GLIS1: variants seen among roughly 807,000 people sequenced by gnomAD.
The protein encoded by GLIS1 is GLIS family zinc finger 1, also known as zinc finger protein GLIS1.
A neutral mutation model predicts 63.8 loss-of-function variants in GLIS1; 24 were observed. The observed-to-expected ratio is 0.38, with a 90% CI of 0.27 to 0.53. GLIS1 has a LOEUF of 0.53. Among genes scored for constraint, GLIS1 ranks in the 20% least tolerant of loss-of-function variants. GLIS1 has a pLI of 0.85. For missense variants in GLIS1, 1,036 were observed against 1,074.1 expected, an observed-to-expected ratio of 0.96 and a Z score of 0.50; for synonymous variants, 450 against 482.5, an observed-to-expected ratio of 0.93 and a Z score of 0.88.
chr1:53,670,625 G>T (rs111869903), intron 2 of GLIS1, among the ~76,000 whole-genome samples: 5 of 152,340 alleles, frequency 3.3e-5, no homozygotes, highest in African/African-American at 1.2e-4. Context: ...CCTGTGATAG[G>T]ATTCAAATTG....
chr1:53,705,228 G>C (rs1451658887), intron 2 of GLIS1, among the ~76,000 whole-genome samples: 1 of 152,140 alleles, frequency 6.6e-6, no homozygotes, highest in Non-Finnish European at 1.5e-5. Context: ...CTGAGCCCTG[G>C]GAGGAGAGAG....
chr1:53,598,195 A>G lies in GLIS1; in HGVS notation c.437+1906T>C, dbSNP rs1475092547. On this transcript the variant is annotated intron_variant, in intron 3 of 10. Transcript: ENST00000628545. This position sits in a 1 kb window ranked among gnomAD's most constrained non-coding sequence, Gnocchi z 4.6. Reference sequence around the variant, plus strand: ...GACAGAGCCTTTAAATAAATAATTAAGGCTAAACAAGGTTATAAGGTTGAG... The same window carrying G: ...GACAGAGCCTTTAAATAAATAATTAGGGCTAAACAAGGTTATAAGGTTGAG... Among the ~76,000 whole-genome samples, 1 of 152,224 alleles carries G rather than the reference A, an allele frequency of 6.6e-6. No homozygotes were observed. Among genetic ancestry groups the G allele is most frequent in the African/African-American group, 2.4e-5 (1 of 41,462 alleles).
rs112858986 is a variant in GLIS1 at position 53,718,806 on chromosome 1, C to A, written c.259+19000G>T. ...GACACTTTTTAGTCCCAAGAACAGTCTCATCTTAGTAATTAAAATGTCCTG... is the reference window on the plus strand; with the variant it reads ...GACACTTTTTAGTCCCAAGAACAGTATCATCTTAGTAATTAAAATGTCCTG... On this transcript the variant is annotated intron_variant, in intron 2 of 10. Coordinates refer to ENST00000628545, the MANE Select transcript of GLIS1 (RefSeq NM_001367484.1). Among the ~76,000 whole-genome samples the A allele has an allele frequency of 6.1e-3, 926 of 152,284 alleles. 10 individuals are homozygous for A. The highest frequency in any genetic ancestry group is 0.022 in the African/African-American group (900 of 41,560).
At chr1:53,719,672 G>T (rs1011787988) in intron 2 of GLIS1, among the ~76,000 whole-genome samples, 2 of 152,108 alleles carry the variant, frequency 1.3e-5, no homozygotes, top group Non-Finnish European at 2.9e-5. Context: ...GGTAGTGCAA[G>T]TGAGTAAGAT....
intron 2 of GLIS1, among the ~76,000 whole-genome samples, chr1:53,618,125 G>A (rs1013610849): frequency 2.0e-5 from 3 of 152,248 alleles, no homozygotes; most frequent in Non-Finnish European, 4.4e-5. Context: ...AAGGGACCTC[G>A]GCAGGGACAG....
chr1:53,702,446 C>T (rs996399295), intron 2 of GLIS1, among the ~76,000 whole-genome samples: 4 of 152,228 alleles, frequency 2.6e-5, no homozygotes, highest in Admixed American at 6.5e-5. Context: ...CATCTGCCCC[C>T]GGGTTCCAGG....
At chr1:53,562,964 G>A (rs756843565) in intron 4 of GLIS1, among the ~76,000 whole-genome samples, 20 of 152,342 alleles carry the variant, frequency 1.3e-4, no homozygotes, top group Non-Finnish European at 2.2e-4. Context: ...ATGAGGAAAC[G>A]GAGGTTGTGC....
At chr1:53,580,623 T>C (rs750768498) in intron 4 of GLIS1, among the ~76,000 whole-genome samples, 1 of 152,130 alleles carries the variant, frequency 6.6e-6, no homozygotes, top group African/African-American at 2.4e-5. Flanking sequence ...GGGGCTGGAA[T>C]CCCAGCTCTT....
intron 4 of GLIS1, among the ~76,000 whole-genome samples, chr1:53,557,584 C>T (rs1438018146): frequency 6.6e-6 from 1 of 152,174 alleles, no homozygotes; most frequent in African/African-American, 2.4e-5. Context: ...GTGGCTGAGG[C>T]CGGCTGGGGA....
intron 2 of GLIS1, among the ~76,000 whole-genome samples, chr1:53,727,385 A>G (rs1428999176): frequency 6.6e-6 from 1 of 152,052 alleles, no homozygotes. Flanking sequence ...CAGCAGGGTC[A>G]CCAAGAGCTA....
intron 4 of GLIS1, among the ~76,000 whole-genome samples, chr1:53,577,184 G>A (rs544557207): frequency 2.8e-5 from 4 of 145,320 alleles, no homozygotes; most frequent in Non-Finnish European, 5.9e-5. Context: ...CCCCTCTCCT[G>A]CCTTAGGAGC....
At chr1:53,542,259 G>A (rs1363379201) in intron 4 of GLIS1, among the ~76,000 whole-genome samples, 2 of 152,256 alleles carry the variant, frequency 1.3e-5, no homozygotes, top group East Asian at 3.8e-4. Flanking sequence ...CGGGGGGAAG[G>A]AGATGACTTA....
chr1:53,515,079 ATG>A (rs5774151), intron 7 of GLIS1, among the ~76,000 whole-genome samples: 13,906 of 141,886 alleles, frequency 0.098, 712 homozygotes, highest in African/African-American at 0.12. Flanking sequence ...GTGTGTGTAT[ATG>A]TGTGTGTGTG....
intron 2 of GLIS1, among the ~76,000 whole-genome samples, chr1:53,676,194 C>G (rs116533044): frequency 7.2e-5 from 11 of 152,154 alleles, no homozygotes; most frequent in Non-Finnish European, 1.3e-4. Flanking sequence ...ATTGGGGATA[C>G]CCCACCCCAC....
chr1:53,728,769 T>C (rs1246271133), intron 2 of GLIS1, among the ~76,000 whole-genome samples: 1 of 152,166 alleles, frequency 6.6e-6, no homozygotes, highest in Non-Finnish European at 1.5e-5. Context: ...AAATTCCAGG[T>C]CTAAGGCCGC....
At chr1:53,586,253 G>A (rs1258447989) in intron 4 of GLIS1, among the ~76,000 whole-genome samples, 6 of 150,850 alleles carry the variant, frequency 4.0e-5, no homozygotes, top group Admixed American at 3.3e-4. Flanking sequence ...GCTAAACCTC[G>A]GGCTCAAGAG....
intron 2 of GLIS1, among the ~76,000 whole-genome samples, 199 bp from the exon 3 acceptor site, chr1:53,600,477 C>T (rs1645305071): frequency 6.6e-6 from 1 of 152,130 alleles, no homozygotes; most frequent in South Asian, 2.1e-4. Flanking sequence ...TAATAAAATC[C>T]TCCATTCTCA....
At chr1:53,601,354 A>T (rs1404865834) in intron 2 of GLIS1, among the ~76,000 whole-genome samples, 1 of 152,244 alleles carries the variant, frequency 6.6e-6, no homozygotes, top group Non-Finnish European at 1.5e-5. Context: ...CTTATTGTTA[A>T]ACAGCACTTC....
intron 2 of GLIS1, among the ~76,000 whole-genome samples, chr1:53,678,989 G>A (rs1171020296): frequency 6.6e-6 from 1 of 152,144 alleles, no homozygotes; most frequent in Non-Finnish European, 1.5e-5. Context: ...CCTTCCCTAT[G>A]ACCCTCCACA....
Sources: gnomAD v4.1 joint callset for allele counts (sites outside exome capture counted in the v4.1 genomes callset) on GRCh38, gnomAD v4.1.1 for gene constraint, Gnocchi (gnomAD v3.1) non-coding constraint, MANE v1.5 for transcripts, NCBI Gene and HGNC (gene_info 2026-07-23, HGNC 2026-07-21) for gene names.